CNKSR2: variants seen among roughly 807,000 people sequenced by gnomAD.
CNKSR2 encodes connector enhancer of kinase suppressor of Ras 2, also known as CNK homolog protein 2.
CNKSR2 carries 14 observed loss-of-function variants against 84.4 expected under a neutral mutation model. The observed-to-expected ratio is 0.17, with a 90% CI of 0.11 to 0.26. The LOEUF (loss-of-function observed/expected upper bound fraction) is 0.26. Ranked by LOEUF, CNKSR2 falls within the 10% of genes least tolerant of loss-of-function variation. CNKSR2 has a pLI of 1.00. For synonymous variants in CNKSR2, 275 were observed against 277.9 expected, an observed-to-expected ratio of 0.99 and a Z score of 0.10; for missense variants, 485 against 771.2, an observed-to-expected ratio of 0.63 and a Z score of 4.40.
At chrX:21,529,469 A>G (rs1181973953) in intron 10 of CNKSR2, among the ~76,000 whole-genome samples, 7 of 111,287 alleles carry the variant, frequency 6.3e-5, no homozygotes, top group African/African-American at 2.0e-4. Context: ...AATTTCTCCT[A>G]TTAACTCTAC....
At chrX:21,629,543 A>G (rs2092638465) in intron 20 of CNKSR2, among the ~76,000 whole-genome samples, 1 of 112,095 alleles carries the variant, frequency 8.9e-6, no homozygotes. Context: ...AGCAAGTCAC[A>G]TCTTACTTGG....
rs749313674 is a variant in CNKSR2, at chrX:21,490,534, C to T, written c.637C>T (p.Leu213=). The change falls in exon 6 of 22, where the codon CTG becomes TTG. Residue 213 remains leucine (L), a synonymous_variant. Coordinates refer to ENST00000379510, the MANE Select transcript of CNKSR2 (RefSeq NM_014927.5). ...SDPLVSQSAH[L]EVIQLANIKP... is the part of the protein sequence containing the mutation. ...TCCTCTGGTTTCACAGTCTGCTCAC[C>T]TGGAAGTGATTCAACTGGCAAACAT... is the stretch of plus-strand genomic sequence containing the variant. 1.1e-5 allele frequency: 13 copies of T among 1,209,225 alleles called. No homozygotes were observed. Among genetic ancestry groups the T allele is most frequent in the Non-Finnish European group, 1.3e-5 (12 of 893,747 alleles).
At chrX:21,388,509 T>C (rs190780382) in intron 1 of CNKSR2, among the ~76,000 whole-genome samples, 1 of 111,672 alleles carries the variant, frequency 9.0e-6, no homozygotes, top group Non-Finnish European at 1.9e-5. Context: ...TAAGGAAGTG[T>C]TCAAAAAACA....
intron 3 of CNKSR2, among the ~76,000 whole-genome samples, chrX:21,438,284 C>T (rs2090736696): frequency 8.9e-6 from 1 of 111,843 alleles, no homozygotes; most frequent in South Asian, 3.6e-4. Flanking sequence ...GTATTTGTTC[C>T]ATATCTAAAC....
Position 21,426,586 on chromosome X carries a change from C to T in CNKSR2, c.154C>T (p.Leu52=). ...GCTGCTGCGCATTACACATCAGGAG[C>T]TAGAAGATCTGGGGGTCAGCCGCAT... The part of the protein sequence containing the change: ...DQLLRITHQE[L]EDLGVSRIGH... Residue 52 remains leucine (L), a synonymous_variant, in exon 2 of 22, where the codon CTA becomes TTA. Coordinates refer to ENST00000379510, the MANE Select transcript of CNKSR2 (RefSeq NM_014927.5). 8.3e-7 allele frequency: 1 copy of T among 1,208,077 alleles called. No homozygotes were observed. The highest frequency in any genetic ancestry group is 1.1e-6 in the Non-Finnish European group (1 of 894,156).
At chrX:21,562,869 G>A (rs757165943) in intron 12 of CNKSR2, among the ~76,000 whole-genome samples, 26 of 111,379 alleles carry the variant, frequency 2.3e-4, no homozygotes, top group Non-Finnish European at 3.2e-4. Context: ...CCATGAGGGT[G>A]ATTGTTACAA....
chrX:21,379,703 T>G (rs1199148801), intron 1 of CNKSR2, among the ~76,000 whole-genome samples: 1 of 111,547 alleles, frequency 9.0e-6, no homozygotes, highest in Non-Finnish European at 1.9e-5. Flanking sequence ...TTAAATTAAT[T>G]ATTCTCTGCT....
chrX:21,386,779 A>G (rs1448258246), intron 1 of CNKSR2, among the ~76,000 whole-genome samples: 1 of 111,803 alleles, frequency 8.9e-6, no homozygotes, highest in Non-Finnish European at 1.9e-5. Context: ...CACTTTTTAT[A>G]AAAGCTATTA....
chrX:21,542,729 G>A lies in CNKSR2; in HGVS notation c.1303+10662G>A, dbSNP rs142885767. ...TAGACACAGTTGGCTGAGTCCCTTT[G>A]TGGCCATGAATGGTCATATTTTATA... On this transcript the variant is annotated intron_variant, in intron 11 of 21. Transcript: ENST00000379510. 8.3e-3 allele frequency among the ~76,000 whole-genome samples: 922 copies of A among 111,664 alleles called. 9 individuals carry two copies. Among genetic ancestry groups the A allele is most frequent in the African/African-American group, 0.029 (896 of 30,716 alleles).
At chrX:21,379,522 C>T (rs1252441871) in intron 1 of CNKSR2, among the ~76,000 whole-genome samples, 1 of 111,728 alleles carries the variant, frequency 9.0e-6, no homozygotes, top group Non-Finnish European at 1.9e-5. Flanking sequence ...TGTAGAATTT[C>T]GTTCAGAAGA....
chrX:21,559,530 T>G (rs1463843978), intron 11 of CNKSR2, among the ~76,000 whole-genome samples: 1 of 111,672 alleles, frequency 9.0e-6, no homozygotes, highest in Non-Finnish European at 1.9e-5. Context: ...ACTGTTATAA[T>G]GAACAAAGGG....
chrX:21,550,995 C>T (rs1321450863), intron 11 of CNKSR2, among the ~76,000 whole-genome samples: 1 of 106,350 alleles, frequency 9.4e-6, no homozygotes, highest in Non-Finnish European at 1.9e-5. Context: ...GAGACCGTTG[C>T]ACTCCAGCCT....
chrX:21,473,855 C>G (rs765288543), intron 5 of CNKSR2, among the ~76,000 whole-genome samples: 1 of 104,006 alleles, frequency 9.6e-6, no homozygotes, highest in South Asian at 4.5e-4. Flanking sequence ...CACGCCATTC[C>G]CCTGCCTCAG....
In CNKSR2 at chrX:21,578,000, C is replaced by T. The variant is rs1184392160; in HGVS notation, c.1609-12572C>T. Among the ~76,000 whole-genome samples the T allele has an allele frequency of 2.7e-5, 3 of 111,166 alleles. No homozygotes were observed. The East Asian group carries it at 8.4e-4, about 31-fold the overall frequency. On this transcript the variant is annotated intron_variant, in intron 13 of 21. Transcript: ENST00000379510. ...TCTAAGAACTATGTTAAATTGTTTGCAGCCATTATGGATTTTTCACTAGTT... is the reference window on the plus strand; with the variant it reads ...TCTAAGAACTATGTTAAATTGTTTGTAGCCATTATGGATTTTTCACTAGTT...
intron 4 of CNKSR2, among the ~76,000 whole-genome samples, chrX:21,446,153 T>G (rs1003843542): frequency 3.6e-5 from 4 of 111,675 alleles, no homozygotes. Flanking sequence ...CCTTTTACTT[T>G]AATTATAAAG....
chrX:21,403,101 T>C (rs2090214627), intron 1 of CNKSR2, among the ~76,000 whole-genome samples: 1 of 111,109 alleles, frequency 9.0e-6, no homozygotes, highest in Non-Finnish European at 1.9e-5. Flanking sequence ...ACAAAAGTAC[T>C]AAAAAACCCA....
At chrX:21,571,690 G>A (rs755432390) in intron 13 of CNKSR2, among the ~76,000 whole-genome samples, 2 of 111,977 alleles carry the variant, frequency 1.8e-5, no homozygotes, top group African/African-American at 3.3e-5. Flanking sequence ...AGCCATATCT[G>A]CTCATAAGGA....
At chrX:21,501,262 C>T (rs1334783177) in intron 7 of CNKSR2, among the ~76,000 whole-genome samples, 2 of 110,564 alleles carry the variant, frequency 1.8e-5, no homozygotes, top group African/African-American at 6.5e-5. Context: ...TTTTGCATTT[C>T]TGTTTGTTGT....
At chrX:21,420,608 C>T (rs1368666043) in intron 1 of CNKSR2, among the ~76,000 whole-genome samples, 1 of 110,516 alleles carries the variant, frequency 9.0e-6, no homozygotes, top group Non-Finnish European at 1.9e-5. Flanking sequence ...AAGGGCTCTT[C>T]AGTTAGCTGG....
Sources: gnomAD v4.1 joint callset for allele counts (sites outside exome capture counted in the v4.1 genomes callset) on GRCh38, gnomAD v4.1.1 for gene constraint, MANE v1.5 for transcripts, NCBI Gene and HGNC (gene_info 2026-07-23, HGNC 2026-07-21) for gene names.